Variants in RBFOX3 observed in about 807,000 individuals in gnomAD.
RBFOX3 encodes RNA binding protein fox-1 homolog 3.
Under a neutral mutation model 48.7 loss-of-function variants are expected in RBFOX3, and 17 were observed. The observed-to-expected ratio is 0.35, with a 90% CI of 0.24 to 0.52. The LOEUF (loss-of-function observed/expected upper bound fraction) is 0.52. Ranked by LOEUF, RBFOX3 falls within the 20% of genes least tolerant of loss-of-function variation. RBFOX3 has a pLI of 0.94. For synonymous variants in RBFOX3, 212 were observed against 209.5 expected, an observed-to-expected ratio of 1.01 and a Z score of -0.10; for missense variants, 382 against 497.5, an observed-to-expected ratio of 0.77 and a Z score of 2.21.
chr17:79,093,791 C>CGCCACACA (rs1555681687), intron 14 of RBFOX3, among the ~76,000 whole-genome samples: 1 of 143,822 alleles, frequency 7.0e-6, no homozygotes, highest in Non-Finnish European at 1.5e-5. Context: ...CAACAGCTGG[C>CGCCACACA]CACACACACA....
chr17:79,437,127 G>A (rs529560064), intron 2 of RBFOX3, among the ~76,000 whole-genome samples: 12 of 152,180 alleles, frequency 7.9e-5, no homozygotes, highest in South Asian at 4.2e-4. Flanking sequence ...TTGAGCCTCC[G>A]CTTTCTCTCC....
intron 2 of RBFOX3, among the ~76,000 whole-genome samples, chr17:79,314,480 C>T (rs1406941576): frequency 6.6e-6 from 1 of 152,188 alleles, no homozygotes; most frequent in Non-Finnish European, 1.5e-5. Context: ...ATCGGCCACT[C>T]ACAGCCAGGT....
chr17:79,424,418 C>T (rs577925273), intron 2 of RBFOX3, among the ~76,000 whole-genome samples: 5 of 152,246 alleles, frequency 3.3e-5, no homozygotes, highest in Middle Eastern at 6.8e-3. Flanking sequence ...GCCAGGCTGG[C>T]GGAGCCTGCC....
intron 4 of RBFOX3, chr17:79,208,669 AGAG>A (rs2057890065): frequency 7.3e-6 from 1 of 137,254 alleles, no homozygotes; most frequent in Non-Finnish European, 1.7e-5. Context: ...AGGCAGAGGC[AGAG>A]GGGAGGCTCT....
At chr17:79,230,620 G>A (rs543378291) in intron 4 of RBFOX3, among the ~76,000 whole-genome samples, 9 of 152,284 alleles carry the variant, frequency 5.9e-5, no homozygotes, top group Admixed American at 4.6e-4. Context: ...GTCTTGCTAA[G>A]CCTTTCCAGA....
At chr17:79,652,329 G>A in the RBFOX3 span, among the ~76,000 whole-genome samples, 2 of 151,850 alleles carry the variant, frequency 1.3e-5, no homozygotes, top group Non-Finnish European at 2.9e-5. Context: ...CATAAGCTGG[G>A]GTCAATAGAA....
At chr17:79,616,559 ATCTC>A in the RBFOX3 span, among the ~76,000 whole-genome samples, 2 of 124,172 alleles carry the variant, frequency 1.6e-5, no homozygotes, top group African/African-American at 3.0e-5. Flanking sequence ...AAAAGAATGG[ATCTC>A]TCTGTCTCTC....
At chr17:79,145,927 T>G (rs1599662272) in intron 4 of RBFOX3, among the ~76,000 whole-genome samples, 2 of 149,048 alleles carry the variant, frequency 1.3e-5, no homozygotes, top group East Asian at 2.0e-4. Context: ...GGCAGGGGGG[T>G]GGTTGGGGAG....
At chr17:79,279,341 TC>T (rs2144270763) in intron 3 of RBFOX3, among the ~76,000 whole-genome samples, 1 of 152,232 alleles carries the variant, frequency 6.6e-6, no homozygotes, top group East Asian at 1.9e-4. Context: ...CCCAGGACAT[TC>T]CCTCCTCCAG....
Position 79,106,741 on chromosome 17 carries a change from G to A in RBFOX3, c.270C>T (p.Ser90=), listed in dbSNP as rs1274355437. 24 of 1,522,352 alleles carry A rather than the reference G, an allele frequency of 1.6e-5. No homozygotes were observed. The highest frequency in any genetic ancestry group is 5.2e-5 in the East Asian group (2 of 38,400). The allele number at this position is 1,522,352 out of a possible 1,614,324, so 94.3% of individuals were successfully genotyped here. Residue 90 remains serine (S), a synonymous_variant, in exon 6 of 15, where the codon TCC becomes TCT. Coordinates refer to ENST00000693108, the MANE Select transcript of RBFOX3 (RefSeq NM_001350451.2). ...TGGGCTGCTGCTTCTCTGTAGGGTC[G>A]GAGGGGTGGAGCGGCTGGCTGTCCG... ...AQTDSQPLHP[S]DPTEKQQPKR... is the part of the protein sequence containing the mutation.
chr17:79,432,741 C>T (rs879984188), intron 2 of RBFOX3, among the ~76,000 whole-genome samples: 6 of 151,696 alleles, frequency 4.0e-5, no homozygotes, highest in Admixed American at 1.3e-4. Context: ...AAAAAGCTAA[C>T]GTGGTACAAG....
Position 79,103,645 on chromosome 17 carries a change from C to T in RBFOX3, c.415-391G>A, listed in dbSNP as rs2076850736. Among the ~76,000 whole-genome samples the T allele has an allele frequency of 6.6e-6, 1 of 152,108 alleles. No individual in the cohort carries two copies. Among genetic ancestry groups the T allele is most frequent in the African/African-American group, 2.4e-5 (1 of 41,420 alleles). On this transcript the variant is annotated intron_variant, in intron 7 of 14. Transcript: ENST00000693108. The surrounding 1 kb of genome is among the most constrained non-coding windows in gnomAD (Gnocchi z 6.1). The stretch of plus-strand genomic sequence containing the variant: ...GGCTTCAGGACCTGCAGGGGCAGCC[C>T]ACCCATCTCCACCCTCGGAGCCCAG...
chr17:79,379,668 C>T lies in RBFOX3; in HGVS notation c.-174-71844G>A, dbSNP rs540536805. 7.2e-5 allele frequency among the ~76,000 whole-genome samples: 11 copies of T among 152,294 alleles called. No homozygotes were observed. In the South Asian group the frequency reaches 8.3e-4, roughly 11 times the overall value. Reference sequence around the variant, plus strand: ...GGAAGCTGGCTCCAGGGCTACACTGCGCTTGTGGTGAGGGCCACACAGCTC... The same window carrying T: ...GGAAGCTGGCTCCAGGGCTACACTGTGCTTGTGGTGAGGGCCACACAGCTC... On this transcript the variant is annotated intron_variant, in intron 2 of 14. Coordinates refer to ENST00000693108, the MANE Select transcript of RBFOX3 (RefSeq NM_001350451.2).
chr17:79,565,972 T>C (rs2092439378), intron 1 of RBFOX3, among the ~76,000 whole-genome samples: 1 of 152,282 alleles, frequency 6.6e-6, no homozygotes, highest in African/African-American at 2.4e-5. Flanking sequence ...TCTACTAAAT[T>C]GTATTTTGCT....
At chr17:79,427,830 A>C (rs902657000) in intron 2 of RBFOX3, among the ~76,000 whole-genome samples, 9 of 152,224 alleles carry the variant, frequency 5.9e-5, no homozygotes, top group African/African-American at 2.2e-4. Flanking sequence ...ATGAACATAC[A>C]TGTACACATG....
At chr17:79,170,367 G>T (rs1369502209) in intron 4 of RBFOX3, among the ~76,000 whole-genome samples, 1 of 152,122 alleles carries the variant, frequency 6.6e-6, no homozygotes, top group Non-Finnish European at 1.5e-5. Context: ...GGACCTGAGA[G>T]TCCCCTGCCA....
At chr17:79,385,525 G>C (rs2060449077) in intron 2 of RBFOX3, among the ~76,000 whole-genome samples, 1 of 152,140 alleles carries the variant, frequency 6.6e-6, no homozygotes, top group Non-Finnish European at 1.5e-5. Flanking sequence ...AGTGATCAGA[G>C]CTGCTGGCTG....
chr17:79,387,279 T>C (rs1265990197), intron 2 of RBFOX3, among the ~76,000 whole-genome samples: 1 of 152,218 alleles, frequency 6.6e-6, no homozygotes, highest in Admixed American at 6.5e-5. Context: ...GTTTTGTGTA[T>C]CTGAGTGTGC....
At chr17:79,476,292 C>G (rs959688771) in intron 2 of RBFOX3, among the ~76,000 whole-genome samples, 1 of 152,270 alleles carries the variant, frequency 6.6e-6, no homozygotes, top group African/African-American at 2.4e-5. Flanking sequence ...ACAGCGCCCT[C>G]TGCGACCCGC....
Sources: gnomAD v4.1 joint callset for allele counts (sites outside exome capture counted in the v4.1 genomes callset) on GRCh38, gnomAD v4.1.1 for gene constraint, Gnocchi (gnomAD v3.1) non-coding constraint, MANE v1.5 for transcripts, NCBI Gene and HGNC (gene_info 2026-07-23, HGNC 2026-07-21) for gene names.